The following EXOC6B variants were observed in gnomAD, a reference collection of about 807,000 sequenced individuals.
EXOC6B encodes exocyst complex component 6B.
EXOC6B carries 54 observed loss-of-function variants against 113.5 expected under a neutral mutation model. That is an observed-to-expected ratio of 0.48 (90% CI 0.38 to 0.60). The LOEUF (loss-of-function observed/expected upper bound fraction) is 0.60. Among genes scored for constraint, EXOC6B ranks in the 20% least tolerant of loss-of-function variants. The pLI is 0.00. For synonymous variants in EXOC6B, 357 were observed against 339.0 expected (o/e 1.05, Z -0.58); for missense variants, 797 against 977.5 (o/e 0.82, Z 2.46).
At chr2:72,201,701 C>T (rs1679506396) in intron 20 of EXOC6B, among the ~76,000 whole-genome samples, 1 of 152,132 alleles carries the variant, frequency 6.6e-6, no homozygotes, top group Non-Finnish European at 1.5e-5. Context: ...AGTTACATCC[C>T]CATTTCTAAG....
chr2:72,583,811 C>G (rs189512823), intron 6 of EXOC6B, among the ~76,000 whole-genome samples: 1 of 152,024 alleles, frequency 6.6e-6, no homozygotes, highest in African/African-American at 2.4e-5. Context: ...ACCACCACCT[C>G]CTGGGTTCAA....
At chr2:72,510,890 A>T (rs1283814497) in intron 11 of EXOC6B, among the ~76,000 whole-genome samples, 1 of 152,046 alleles carries the variant, frequency 6.6e-6, no homozygotes, top group African/African-American at 2.4e-5. Context: ...AGAGTAAACA[A>T]CAGGTGGTTG....
At chr2:72,688,777 T>C (rs1445486804) in intron 6 of EXOC6B, among the ~76,000 whole-genome samples, 1 of 152,200 alleles carries the variant, frequency 6.6e-6, no homozygotes, top group Admixed American at 6.5e-5. Context: ...AAAATCACTC[T>C]TATAAGTTCA....
intron 20 of EXOC6B, among the ~76,000 whole-genome samples, chr2:72,201,864 C>G (rs1451609448): frequency 6.6e-6 from 1 of 152,104 alleles, no homozygotes; most frequent in Non-Finnish European, 1.5e-5. Context: ...TTTCCTTGAA[C>G]TTCAATAAAT....
intron 17 of EXOC6B, among the ~76,000 whole-genome samples, chr2:72,475,188 G>T (rs1037924236): frequency 7.2e-5 from 11 of 152,162 alleles, no homozygotes; most frequent in African/African-American, 2.7e-4. Context: ...TGGCACCATT[G>T]TTAGTGAGTC....
intron 6 of EXOC6B, among the ~76,000 whole-genome samples, chr2:72,614,259 A>C (rs1671251664): frequency 6.6e-6 from 1 of 152,164 alleles, no homozygotes; most frequent in African/African-American, 2.4e-5. Flanking sequence ...ACATTTAATA[A>C]AAAATGAAGT....
At position 72,224,976 on chromosome 2, in the gene EXOC6B, C is replaced by G. The variant is rs1424492774; in HGVS notation, c.2197-40789G>C. Among the ~76,000 whole-genome samples the G allele has an allele frequency of 3.2e-5, 4 of 126,878 alleles. No homozygotes were observed. The Admixed American group carries it at 3.3e-4, about 10-fold the overall frequency. The allele number at this position is 126,878 out of a possible 152,430, so 83.2% of individuals were successfully genotyped here. On this transcript the variant is annotated intron_variant, in intron 20 of 21. Transcript: ENST00000272427. ...TTTCTGTATGTGTATATACATCTCT[C>G]TCTGTATGTGTGTGTGTGTATATAT... is the stretch of plus-strand genomic sequence containing the variant.
intron 6 of EXOC6B, among the ~76,000 whole-genome samples, chr2:72,620,523 A>C (rs1671683178): frequency 6.6e-6 from 1 of 151,634 alleles, no homozygotes. Context: ...TTTAAATTTA[A>C]ATTTAAAAGA....
chr2:72,523,659 C>T (rs1342041538), intron 8 of EXOC6B, among the ~76,000 whole-genome samples: 1 of 151,636 alleles, frequency 6.6e-6, no homozygotes, highest in African/African-American at 2.4e-5. Flanking sequence ...CAGGCGCCTG[C>T]AGTCCCAGCT....
At chr2:72,503,498 T>C (rs1284690440) in intron 11 of EXOC6B, among the ~76,000 whole-genome samples, 2 of 152,166 alleles carry the variant, frequency 1.3e-5, no homozygotes, top group Non-Finnish European at 2.9e-5. Flanking sequence ...GCATTTAAGG[T>C]TCCTCTGTGT....
intron 20 of EXOC6B, among the ~76,000 whole-genome samples, chr2:72,210,343 A>G (rs1487517719): frequency 6.6e-6 from 1 of 152,222 alleles, no homozygotes; most frequent in Non-Finnish European, 1.5e-5. Context: ...TGGACGGCAT[A>G]TTGCTAACTT....
intron 1 of EXOC6B, among the ~76,000 whole-genome samples, chr2:72,803,799 G>C (rs1416023145): frequency 6.6e-6 from 1 of 152,168 alleles, no homozygotes; most frequent in Non-Finnish European, 1.5e-5. Context: ...GCTGCCATCT[G>C]CTGTATAATT....
chr2:72,515,028 A>G lies in EXOC6B; in HGVS notation c.999+15T>C. The G allele has an allele frequency of 6.3e-7, 1 of 1,591,416 alleles. No individual in the cohort carries two copies. ...AAAAGTAAAAATGTGAGAAAAGTGA[A>G]GATGGTAATCCTACCATGTTAGATG... On this transcript the variant is annotated intron_variant, in intron 9 of 21. Coordinates refer to ENST00000272427, the MANE Select transcript of EXOC6B (RefSeq NM_015189.3).
Position 72,492,312 on chromosome 2 carries a change from G to C in EXOC6B, c.1665+6C>G, listed in dbSNP as rs181182127. ...GCTCGGCTGCCTTCATTAGGAGCAG[G>C]TTTACCTCAGTAAGCCCAATATTCT... On this transcript the variant is annotated splice_donor_region_variant and intron_variant, in intron 16 of 21. Coordinates refer to ENST00000272427, the MANE Select transcript of EXOC6B (RefSeq NM_015189.3). The C allele has an allele frequency of 2.9e-4, 460 of 1,589,982 alleles. 5 individuals carry two copies. In the East Asian group the frequency reaches 7.7e-3, roughly 27 times the overall value.
chr2:72,645,275 C>A (rs903404760), intron 6 of EXOC6B, among the ~76,000 whole-genome samples: 3 of 152,126 alleles, frequency 2.0e-5, no homozygotes, highest in African/African-American at 7.2e-5. Flanking sequence ...TACAGGAGCA[C>A]CCAGATTCAT....
chr2:72,485,017 G>C (rs1273879094), intron 16 of EXOC6B, among the ~76,000 whole-genome samples: 1 of 152,088 alleles, frequency 6.6e-6, no homozygotes, highest in Non-Finnish European at 1.5e-5. Context: ...GTTATTTCTT[G>C]GTTCTAGATC....
chr2:72,613,380 TGC>T (rs1671192461), intron 6 of EXOC6B, among the ~76,000 whole-genome samples: 10 of 152,034 alleles, frequency 6.6e-5, no homozygotes, highest in Admixed American at 6.6e-4. Context: ...AAAACTCCAA[TGC>T]CCAGATAAGG....
At chr2:72,409,693 A>G (rs1287169362) in intron 18 of EXOC6B, among the ~76,000 whole-genome samples, 1 of 147,144 alleles carries the variant, frequency 6.8e-6, no homozygotes, top group Non-Finnish European at 1.5e-5. Context: ...CAGGAAGGGG[A>G]ACATCACACA....
chr2:72,311,427 T>G (rs1237529617), intron 20 of EXOC6B, among the ~76,000 whole-genome samples: 1 of 152,150 alleles, frequency 6.6e-6, no homozygotes, highest in African/African-American at 2.4e-5. Context: ...CATGGCCTCC[T>G]TCCTCCATCT....
Sources: allele counts gnomAD v4.1 joint callset (sites outside exome capture counted in the v4.1 genomes callset), GRCh38; gene constraint gnomAD v4.1.1; transcripts MANE v1.5; gene names NCBI Gene and HGNC (gene_info 2026-07-23, HGNC 2026-07-21).